Variants in IGF1R observed in about 807,000 individuals in gnomAD.
The protein encoded by IGF1R is insulin-like growth factor 1 receptor.
In IGF1R, 44 loss-of-function variants were observed where a neutral mutation model predicts 144.6. That is an observed-to-expected ratio of 0.30 (90% confidence interval 0.24 to 0.39). The LOEUF (loss-of-function observed/expected upper bound fraction) is 0.39. Among genes scored for constraint, IGF1R ranks in the 10% least tolerant of loss-of-function variants. The probability of loss-of-function intolerance (pLI) is 1.00; values close to 1 mark genes in which losing one functional copy is unlikely to be tolerated. For synonymous variants in IGF1R, 795 were observed against 722.8 expected (o/e 1.10, Z -1.60); for missense variants, 1,355 against 1,833.7 (o/e 0.74, Z 4.77).
Position 98,947,025 on chromosome 15 carries a change from T to C in IGF1R, c.3588-1549T>C, listed in dbSNP as rs2016580493. Among the ~76,000 whole-genome samples, 7 of 152,224 alleles carry C rather than the reference T, an allele frequency of 4.6e-5. No homozygotes were observed. The South Asian group carries it at 1.4e-3, about 31-fold the overall frequency. The stretch of plus-strand genomic sequence containing the variant: ...TGTGTGGGTACTACTGCCACTGGCA[T>C]CTGAGGCATGCTGCCTGTATGGCTG... On this transcript the variant is annotated intron_variant, in intron 19 of 20. Transcript: ENST00000650285.
chr15:98,841,927 C>T (rs1012330157), intron 2 of IGF1R, among the ~76,000 whole-genome samples: 2 of 152,200 alleles, frequency 1.3e-5, no homozygotes, highest in Non-Finnish European at 2.9e-5. Flanking sequence ...TCGAGGAGAA[C>T]GGTTTTTGTT....
intron 2 of IGF1R, among the ~76,000 whole-genome samples, chr15:98,777,078 G>T (rs1328142128): frequency 6.6e-6 from 1 of 152,174 alleles, no homozygotes; most frequent in Admixed American, 6.5e-5. Flanking sequence ...GGGCGCCAGG[G>T]AGGGCTGCGG....
chr15:98,885,367 C>G (rs1222717645), intron 2 of IGF1R, among the ~76,000 whole-genome samples: 2 of 152,204 alleles, frequency 1.3e-5, no homozygotes, highest in African/African-American at 2.4e-5. Flanking sequence ...CATGTCAGTT[C>G]ACCTAGAGCC....
intron 2 of IGF1R, among the ~76,000 whole-genome samples, chr15:98,831,990 A>G (rs948432105): frequency 7.2e-5 from 11 of 152,086 alleles, no homozygotes; most frequent in African/African-American, 2.2e-4. Flanking sequence ...AGGATGAGGA[A>G]GGGGGGTCAG....
At chr15:98,689,330 C>A (rs1320711384) in intron 1 of IGF1R, among the ~76,000 whole-genome samples, 1 of 151,366 alleles carries the variant, frequency 6.6e-6, no homozygotes, top group African/African-American at 2.4e-5. Flanking sequence ...CCTCTGCCTC[C>A]CAGGTTCAAG....
intron 1 of IGF1R, among the ~76,000 whole-genome samples, chr15:98,670,011 G>C (rs2052848154): frequency 6.6e-6 from 1 of 152,204 alleles, no homozygotes; most frequent in African/African-American, 2.4e-5. Flanking sequence ...GGGATGCTGA[G>C]CTGAGCTGGG....
At chr15:98,703,356 TCATGGCAC>T (rs2053782665) in intron 1 of IGF1R, among the ~76,000 whole-genome samples, 1 of 152,232 alleles carries the variant, frequency 6.6e-6, no homozygotes, top group Non-Finnish European at 1.5e-5. Context: ...ATGAATTATT[TCATGGCAC>T]CAGTGGAGCA....
At chr15:98,916,468 C>T (rs1401074765) in intron 9 of IGF1R, 1 of 621,520 alleles carries the variant, frequency 1.6e-6, no homozygotes, top group South Asian at 1.8e-5. Context: ...CACCATGTTG[C>T]CCAGGCTGGT....
At chr15:98,709,624 T>A (rs73473479) in intron 2 of IGF1R, among the ~76,000 whole-genome samples, 2,126 of 152,336 alleles carry the variant, frequency 0.014, 48 homozygotes, top group African/African-American at 0.047. Flanking sequence ...TAAAAGGTGT[T>A]ATCAAGGGAG....
At chr15:98,864,683 G>A (rs1447323672) in intron 2 of IGF1R, among the ~76,000 whole-genome samples, 1 of 152,154 alleles carries the variant, frequency 6.6e-6, no homozygotes, top group African/African-American at 2.4e-5. Context: ...ACAGCGCTCA[G>A]CCTAAAAATA....
At chr15:98,826,822 TG>T (rs2141490770) in intron 2 of IGF1R, among the ~76,000 whole-genome samples, 1 of 152,368 alleles carries the variant, frequency 6.6e-6, no homozygotes, top group East Asian at 1.9e-4. Context: ...ATTTTGTTGC[TG>T]ACAAGTATAT....
chr15:98,943,994 T>C (rs1036751442), intron 19 of IGF1R, among the ~76,000 whole-genome samples: 1 of 152,244 alleles, frequency 6.6e-6, no homozygotes, highest in African/African-American at 2.4e-5. Flanking sequence ...GCATGATTGC[T>C]TCTTAAGCTC....
intron 8 of IGF1R, among the ~76,000 whole-genome samples, chr15:98,914,125 A>C (rs1214907001): frequency 6.6e-6 from 1 of 152,152 alleles, no homozygotes; most frequent in African/African-American, 2.4e-5. Flanking sequence ...GGTGGCAGGG[A>C]TGCGGGAGCA....
intron 1 of IGF1R, among the ~76,000 whole-genome samples, chr15:98,684,215 A>G (rs982366633): frequency 6.6e-6 from 1 of 152,222 alleles, no homozygotes; most frequent in Non-Finnish European, 1.5e-5. Context: ...TGTGTTATGA[A>G]CAACTTGCAA....
At chr15:98,691,012 T>TA (rs1333036952) in intron 1 of IGF1R, among the ~76,000 whole-genome samples, 2 of 152,266 alleles carry the variant, frequency 1.3e-5, no homozygotes, top group African/African-American at 4.8e-5. Context: ...GTTGCCGCGA[T>TA]AGTCTAGAGA....
chr15:98,779,991 A>C (rs1210461416), intron 2 of IGF1R, among the ~76,000 whole-genome samples: 1 of 152,132 alleles, frequency 6.6e-6, no homozygotes, highest in Non-Finnish European at 1.5e-5. Context: ...CCGGGATGTC[A>C]GCTGTGGTAG....
chr15:98,849,811 G>A (rs1397429930), intron 2 of IGF1R, among the ~76,000 whole-genome samples: 2 of 152,188 alleles, frequency 1.3e-5, no homozygotes, highest in African/African-American at 4.8e-5. Flanking sequence ...TAGAAAAAAA[G>A]TTTGATTTCA....
At position 98,707,516 on chromosome 15, in the gene IGF1R, A is replaced by C; in HGVS notation, c.95-46A>C. ...TTATTGTTTGGAAAATAGTTTAAAAATTATTTCCTTCTAACTGAGACGTTT... is the reference window on the plus strand; with the variant it reads ...TTATTGTTTGGAAAATAGTTTAAAACTTATTTCCTTCTAACTGAGACGTTT... On this transcript the variant is annotated intron_variant, in intron 1 of 20. Transcript: ENST00000650285. The surrounding 1 kb of genome is among the most constrained non-coding windows in gnomAD (Gnocchi z 6.7). The C allele has an allele frequency of 6.3e-7, 1 of 1,577,614 alleles. No individual in the cohort carries two copies. Among genetic ancestry groups the C allele is most frequent in the Non-Finnish European group, 8.7e-7 (1 of 1,150,490 alleles).
Position 98,916,074 on chromosome 15 carries a change from C to T in IGF1R, c.1939C>T (p.Arg647Cys), listed in dbSNP as rs1454290108. The T allele has an allele frequency of 1.2e-6, 2 of 1,614,174 alleles. No individual in the cohort carries two copies. The highest frequency in any genetic ancestry group is 1.7e-6 in the Non-Finnish European group (2 of 1,180,034). The change falls in exon 9 of 21, where the codon CGC (arginine) becomes TGC (cysteine). Residue 647 changes from arginine to cysteine, a missense_variant. Coordinates refer to ENST00000650285, the MANE Select transcript of IGF1R (RefSeq NM_000875.5). ...PNGNLSYYIV[R>C]WQRQPQDGYL... Reference sequence around the variant, plus strand: ...CGGCAACCTGAGTTACTACATTGTGCGCTGGCAGCGGCAGCCTCAGGACGG... The same window carrying T: ...CGGCAACCTGAGTTACTACATTGTGTGCTGGCAGCGGCAGCCTCAGGACGG...
Sources: allele counts gnomAD v4.1 joint callset (sites outside exome capture counted in the v4.1 genomes callset), GRCh38; gene constraint gnomAD v4.1.1; non-coding constraint Gnocchi (gnomAD v3.1); transcripts MANE v1.5; gene names NCBI Gene and HGNC (gene_info 2026-07-23, HGNC 2026-07-21).